The following PEX11G variants were observed in gnomAD, a reference collection of about 807,000 sequenced individuals.
PEX11G encodes peroxisomal membrane protein 11C.
In PEX11G, 20 loss-of-function variants were observed where a neutral mutation model predicts 22.5. That is an observed-to-expected ratio of 0.89 (90% CI 0.62 to 1.29). The LOEUF (loss-of-function observed/expected upper bound fraction) is 1.29. Among genes scored for constraint, PEX11G ranks in the 50% most tolerant of loss-of-function variants. The probability of loss-of-function intolerance (pLI) is 0.00; values close to 1 mark genes in which losing one functional copy is unlikely to be tolerated. For missense variants in PEX11G, 347 were observed against 331.3 expected (o/e 1.05, Z -0.37); for synonymous variants, 141 against 154.5 (o/e 0.91, Z 0.65).
intron 4 of PEX11G, among the ~76,000 whole-genome samples, chr19:7,478,016 T>C (rs1599204386): frequency 1.3e-5 from 2 of 152,344 alleles, no homozygotes; most frequent in East Asian, 3.9e-4. Context: ...AGCAAGACCC[T>C]GTCTCAAAAA....
chr19:7,491,678 G>A (rs1191127909), upstream of PEX11G, among the ~76,000 whole-genome samples: 1 of 152,096 alleles, frequency 6.6e-6, no homozygotes, highest in Non-Finnish European at 1.5e-5. Context: ...TTTTGAGACA[G>A]GGTCTTGCTG....
In PEX11G at chr19:7,488,978, C is replaced by T. The variant is rs751547022; in HGVS notation, c.33G>A (p.Leu11=). Residue 11 remains leucine (L), a synonymous_variant, in exon 1 of 5, where the codon CTG becomes CTA. Coordinates refer to ENST00000221480, the MANE Select transcript of PEX11G (RefSeq NM_080662.4). ...GGCGGTCCCGGCCCCTGTACGACTCCAGCGCCGACGCCAGGCCGCTCAGCG... is the reference window on the plus strand; with the variant it reads ...GGCGGTCCCGGCCCCTGTACGACTCTAGCGCCGACGCCAGGCCGCTCAGCG... MASLSGLASA[L]ESYRGRDRLI... The T allele has an allele frequency of 5.4e-5, 84 of 1,551,702 alleles. No individual in the cohort carries two copies. The highest frequency in any genetic ancestry group is 1.1e-4 in the Admixed American group (6 of 52,350).
At chr19:7,484,226 C>A (rs2021537209) in intron 2 of PEX11G, among the ~76,000 whole-genome samples, 1 of 151,934 alleles carries the variant, frequency 6.6e-6, no homozygotes, top group Non-Finnish European at 1.5e-5. Flanking sequence ...TGTGGTGGTG[C>A]ACCTGCAGTC....
chr19:7,488,867 C>T, intron 1 of PEX11G, 84 bp downstream of exon 1: 2 of 1,422,980 alleles, frequency 1.4e-6, no homozygotes, highest in South Asian at 2.5e-5. Flanking sequence ...CCTGGGCGAC[C>T]CCGTCCCCTC....
chr19:7,477,410 G>GC lies in PEX11G; in HGVS notation c.517dup (p.Ala173GlyfsTer117), dbSNP rs1357760557. On this transcript the variant is annotated frameshift_variant, in exon 5 of 5. Coordinates refer to ENST00000221480, the MANE Select transcript of PEX11G (RefSeq NM_080662.4). LOFTEE classifies it high-confidence loss of function. The stretch of plus-strand genomic sequence containing the variant: ...CTCCGACTGCATCTGCGCCTCCATG[G>GC]CCCTCCGCTTGCCCCGGGGCAGCGG... The GC allele has an allele frequency of 6.7e-7, 1 of 1,489,610 alleles. No homozygotes were observed. The highest frequency in any genetic ancestry group is 8.9e-7 in the Non-Finnish European group (1 of 1,123,674). 92.3% of individuals were successfully genotyped at this position (1,489,610 alleles called of 1,614,324 possible).
In PEX11G at chr19:7,482,057, A is replaced by G; in HGVS notation, c.404T>C (p.Leu135Pro). The G allele has an allele frequency of 6.2e-7, 1 of 1,601,444 alleles. No homozygotes were observed. The change falls in exon 3 of 5, where the codon CTC becomes CCC. Residue 135 changes from leucine (L) to proline (P), a missense_variant. Leu to Pro is a moderately conservative substitution (Grantham distance 98, BLOSUM62 -3). Transcript: ENST00000221480. ...WWTLSTTLWA[L>P]SLLLGVARSL... ...CCTGGCAACCCCCAGGAGCAGAGAG[A>G]GGGCCCACAGGGTTGTACTCAGCGT...
intron 1 of PEX11G, among the ~76,000 whole-genome samples, chr19:7,487,260 T>C (rs1321875149): frequency 6.6e-6 from 1 of 152,150 alleles, no homozygotes; most frequent in Non-Finnish European, 1.5e-5. Context: ...AGTGTATATT[T>C]ACATCTACCT....
upstream of PEX11G, among the ~76,000 whole-genome samples, chr19:7,490,483 C>T (rs1217793985): frequency 7.6e-6 from 1 of 131,048 alleles, no homozygotes; most frequent in Non-Finnish European, 1.6e-5. Context: ...GCCACCACGC[C>T]TGGGTAATTT....
intron 4 of PEX11G, among the ~76,000 whole-genome samples, chr19:7,477,902 G>T (rs532596497): frequency 6.6e-6 from 1 of 152,338 alleles, no homozygotes; most frequent in Non-Finnish European, 1.5e-5. Context: ...CGTGCCTGTA[G>T]TCCCAGCTAC....
chr19:7,491,537 G>T (rs1451227587), upstream of PEX11G, among the ~76,000 whole-genome samples: 1 of 152,088 alleles, frequency 6.6e-6, no homozygotes, highest in East Asian at 1.9e-4. Context: ...CCAAAGTGCT[G>T]GGATTACAGG....
rs757487438 is a variant in PEX11G, at chr19:7,477,305, C to A, written c.623G>T (p.Arg208Leu). 1.3e-6 allele frequency: 2 copies of A among 1,565,342 alleles called. No individual in the cohort carries two copies. The highest frequency in any genetic ancestry group is 4.8e-5 in the East Asian group (2 of 42,088). Residue 208 changes from arginine to leucine, a missense_variant, in exon 5 of 5, where the codon CGC (arginine) becomes CTC (leucine). Transcript: ENST00000221480. ...WLPRGVLWAG[R>L]FPPWLVGLMG... ...GAGGCCCACTAGCCACGGCGGGAAG[C>A]GGCCGGCCCACAGCACGCCCCGGGG...
At chr19:7,484,074 G>A (rs962120745) in intron 2 of PEX11G, among the ~76,000 whole-genome samples, 4 of 152,162 alleles carry the variant, frequency 2.6e-5, no homozygotes, top group African/African-American at 7.2e-5. Context: ...AATGATCTGT[G>A]GCCAGGCGCG....
At chr19:7,482,940 C>T (rs900308993) in intron 2 of PEX11G, among the ~76,000 whole-genome samples, 3 of 152,218 alleles carry the variant, frequency 2.0e-5, no homozygotes, top group African/African-American at 7.2e-5. Flanking sequence ...GTGCCCATAC[C>T]CTCTGCCCCA....
chr19:7,480,649 G>A (rs1291561612), intron 3 of PEX11G, among the ~76,000 whole-genome samples: 1 of 152,182 alleles, frequency 6.6e-6, no homozygotes, highest in Non-Finnish European at 1.5e-5. Flanking sequence ...ATTGTCTACG[G>A]TAAGCATGTA....
Position 7,478,296 on chromosome 19 carries a change from G to A in PEX11G, c.491+18C>T. ...TGGAGGGAGTGGGCCTCCCTGCTGG[G>A]TGATCACGGGCTCCTACCTGGTGAA... On this transcript the variant is annotated intron_variant, in intron 4 of 4. Coordinates refer to ENST00000221480, the MANE Select transcript of PEX11G (RefSeq NM_080662.4). The A allele has an allele frequency of 6.2e-7, 1 of 1,608,538 alleles. No individual in the cohort carries two copies. The highest frequency in any genetic ancestry group is 1.3e-5 in the African/African-American group (1 of 74,982).
In PEX11G at chr19:7,488,992, G is replaced by T; in HGVS notation, c.19C>A (p.Leu7Met). ...CTGTACGACTCCAGCGCCGACGCCA[G>T]GCCGCTCAGCGACGCCATGGCAACT... MASLSG[L>M]ASALESYRGR... Residue 7 changes from leucine (L) to methionine (M), a missense_variant, in exon 1 of 5, where the codon CTG becomes ATG. Coordinates refer to ENST00000221480, the MANE Select transcript of PEX11G (RefSeq NM_080662.4). 6.5e-7 allele frequency: 1 copy of T among 1,546,332 alleles called. No homozygotes were observed.
At chr19:7,480,247 C>CAAAAAAAA (rs59917736) in intron 3 of PEX11G, among the ~76,000 whole-genome samples, 1 of 135,328 alleles carries the variant, frequency 7.4e-6, no homozygotes. Context: ...CAGCCTGTCT[C>CAAAAAAAA]AAAAAAAAAA....
At chr19:7,487,446 G>C (rs544555839) in intron 1 of PEX11G, among the ~76,000 whole-genome samples, 47 of 152,090 alleles carry the variant, frequency 3.1e-4, no homozygotes, top group Middle Eastern at 6.8e-3. Context: ...TTTTCTTTTG[G>C]AGACAGAGTC....
At chr19:7,489,968 G>A (rs777399994), upstream of PEX11G, among the ~76,000 whole-genome samples, 1 of 151,074 alleles carries the variant, frequency 6.6e-6, no homozygotes, top group Admixed American at 6.6e-5. Context: ...AGCGATTCTC[G>A]TGCCTCAGCT....
Sources: gnomAD v4.1 joint callset for allele counts (sites outside exome capture counted in the v4.1 genomes callset) on GRCh38, gnomAD v4.1.1 for gene constraint, MANE v1.5 for transcripts, NCBI Gene and HGNC (gene_info 2026-07-23, HGNC 2026-07-21) for gene names.